The following LUZP2 variants were observed in gnomAD, a reference collection of about 807,000 sequenced individuals.
LUZP2 encodes leucine zipper protein 2.
LUZP2 carries 52 observed loss-of-function variants against 51.6 expected under a neutral mutation model. The observed-to-expected ratio is 1.01, with a 90% CI of 0.81 to 1.27. The LOEUF (loss-of-function observed/expected upper bound fraction) is 1.27. LUZP2 is among the 50% of genes most tolerant of loss of function. LUZP2 has a pLI of 0.00. For missense variants in LUZP2, 436 were observed against 395.4 expected (o/e 1.10, Z -0.87); for synonymous variants, 154 against 137.3 (o/e 1.12, Z -0.85).
intron 1 of LUZP2, among the ~76,000 whole-genome samples, chr11:24,507,205 G>A (rs900785339): frequency 6.6e-6 from 1 of 151,886 alleles, no homozygotes; most frequent in African/African-American, 2.4e-5. Context: ...CCTAGACATT[G>A]AATTTTCATT....
chr11:25,068,975 A>G (rs1441768244), intron 10 of LUZP2, among the ~76,000 whole-genome samples: 1 of 152,002 alleles, frequency 6.6e-6, no homozygotes, highest in Non-Finnish European at 1.5e-5. Context: ...CGATAGCCCT[A>G]ATTAGCCATG....
chr11:24,845,686 G>A (rs987055312), intron 5 of LUZP2, among the ~76,000 whole-genome samples: 3 of 152,126 alleles, frequency 2.0e-5, no homozygotes, highest in African/African-American at 4.8e-5. Context: ...TCTTGTGATG[G>A]TGAATGAGTT....
At chr11:24,558,308 A>G (rs1851932012) in intron 1 of LUZP2, among the ~76,000 whole-genome samples, 1 of 152,110 alleles carries the variant, frequency 6.6e-6, no homozygotes, top group Non-Finnish European at 1.5e-5. Flanking sequence ...TCCAGCCTGC[A>G]GGCAGTCTAC....
In LUZP2 at chr11:24,772,623, A is replaced by G. The variant is rs1848778015; in HGVS notation, c.396+9315A>G. ...GTGAAGCTCCCTATAAACTATCCAT[A>G]TAAGGTTCTAAGGCTACTGTTAAAA... On this transcript the variant is annotated intron_variant, in intron 5 of 11. Transcript: ENST00000336930. Among the ~76,000 whole-genome samples the G allele has an allele frequency of 3.9e-5, 6 of 152,274 alleles. No individual in the cohort carries two copies. The South Asian group carries it at 1.2e-3, about 32-fold the overall frequency.
At chr11:24,690,811 A>G (rs1418384974) in intron 1 of LUZP2, among the ~76,000 whole-genome samples, 1 of 152,096 alleles carries the variant, frequency 6.6e-6, no homozygotes, top group Non-Finnish European at 1.5e-5. Flanking sequence ...GGAACTGAAC[A>G]TGTTCTAGAT....
At chr11:24,603,740 T>C (rs563073864) in intron 1 of LUZP2, among the ~76,000 whole-genome samples, 2 of 151,774 alleles carry the variant, frequency 1.3e-5, no homozygotes, top group Non-Finnish European at 3.0e-5. Flanking sequence ...AACATGTGGA[T>C]AAGTATTGCT....
chr11:24,692,880 A>G lies in LUZP2; in HGVS notation c.63-36289A>G, dbSNP rs369061349. Among the ~76,000 whole-genome samples the G allele has an allele frequency of 1.3e-5, 2 of 152,026 alleles. 1 individual carries two copies. The highest frequency in any genetic ancestry group is 1.3e-4 in the Admixed American group (2 of 15,236). ...TAAAAACACATGGCATTTTCCCTTC[A>G]AATAACTGCATATGGGAGTCTATTT... On this transcript the variant is annotated intron_variant, in intron 1 of 11. Transcript: ENST00000336930.
At chr11:24,759,184 A>G (rs1859887025) in intron 4 of LUZP2, among the ~76,000 whole-genome samples, 1 of 152,152 alleles carries the variant, frequency 6.6e-6, no homozygotes, top group Non-Finnish European at 1.5e-5. Flanking sequence ...GTTAATTTTT[A>G]TGGCTTAACT....
At chr11:24,580,030 G>T (rs1852793062) in intron 1 of LUZP2, among the ~76,000 whole-genome samples, 1 of 151,928 alleles carries the variant, frequency 6.6e-6, no homozygotes, top group Admixed American at 6.6e-5. Flanking sequence ...AAAATGAATT[G>T]GTTAAAGACT....
intron 7 of LUZP2, among the ~76,000 whole-genome samples, chr11:24,948,677 C>A (rs1854971441): frequency 6.6e-6 from 1 of 151,672 alleles, no homozygotes; most frequent in African/African-American, 2.4e-5. Flanking sequence ...GTTTTTAGAA[C>A]CTTGTGAACC....
At chr11:24,766,922 C>T (rs1860213279) in intron 5 of LUZP2, among the ~76,000 whole-genome samples, 2 of 151,922 alleles carry the variant, frequency 1.3e-5, no homozygotes, top group African/African-American at 4.8e-5. Flanking sequence ...CCACCAAACC[C>T]AGCTAATTTC....
intron 1 of LUZP2, among the ~76,000 whole-genome samples, chr11:24,724,880 TA>T (rs1318035072): frequency 6.6e-6 from 1 of 152,154 alleles, no homozygotes; most frequent in African/African-American, 2.4e-5. Context: ...AATATCTATT[TA>T]GACAATTAAA....
chr11:24,804,006 A>C (rs1849776218), intron 5 of LUZP2, among the ~76,000 whole-genome samples: 1 of 151,644 alleles, frequency 6.6e-6, no homozygotes, highest in Non-Finnish European at 1.5e-5. Context: ...GAAAAAAAAA[A>C]AAAAAAAAAC....
chr11:24,949,552 C>G (rs964815249), intron 7 of LUZP2, among the ~76,000 whole-genome samples: 1 of 151,450 alleles, frequency 6.6e-6, no homozygotes, highest in African/African-American at 2.4e-5. Context: ...CTTTGCTATG[C>G]GTAAGTGAAC....
At chr11:24,737,833 A>G (rs969877446) in intron 3 of LUZP2, among the ~76,000 whole-genome samples, 5 of 152,120 alleles carry the variant, frequency 3.3e-5, no homozygotes, top group African/African-American at 4.8e-5. Flanking sequence ...ATTTTATCCT[A>G]TCAGCAAGTC....
At chr11:24,866,008 C>T (rs945479652) in intron 5 of LUZP2, among the ~76,000 whole-genome samples, 1 of 151,374 alleles carries the variant, frequency 6.6e-6, no homozygotes. Flanking sequence ...GGGGTTTCAC[C>T]ATGTTTGCCA....
chr11:24,728,435 G>A (rs953559823), intron 1 of LUZP2, among the ~76,000 whole-genome samples: 5 of 151,910 alleles, frequency 3.3e-5, no homozygotes, highest in East Asian at 1.9e-4. Flanking sequence ...TTAGGCCAGC[G>A]TAATCTTTTG....
rs555310784 is a variant in LUZP2, at chr11:24,611,457, C to T, written c.62+114152C>T. Among the ~76,000 whole-genome samples, 1 of 152,152 alleles carries T rather than the reference C, an allele frequency of 6.6e-6. No homozygotes were observed. The highest frequency in any genetic ancestry group is 2.1e-4 in the South Asian group (1 of 4,826). On this transcript the variant is annotated intron_variant, in intron 1 of 11. Transcript: ENST00000336930. This position sits in a 1 kb window ranked among gnomAD's most constrained non-coding sequence, Gnocchi z 4.6. ...AATAAAAGCATAAATATTCATGTTG[C>T]AATGTGATATACACTCTAATAGATA...
chr11:24,786,511 A>G, intron 5 of LUZP2: 2 of 941,178 alleles, frequency 2.1e-6, no homozygotes, highest in Non-Finnish European at 2.5e-6. Flanking sequence ...AGAATAAAAT[A>G]TGTGTATATT....
Sources: gnomAD v4.1 joint callset for allele counts (sites outside exome capture counted in the v4.1 genomes callset) on GRCh38, gnomAD v4.1.1 for gene constraint, Gnocchi (gnomAD v3.1) non-coding constraint, MANE v1.5 for transcripts, NCBI Gene and HGNC (gene_info 2026-07-23, HGNC 2026-07-21) for gene names.